BRWD3: variants seen among roughly 807,000 people sequenced by gnomAD.
BRWD3 encodes the protein bromodomain and WD repeat domain containing 3, also known as bromodomain and WD repeat-containing protein 3.
In BRWD3, 10 loss-of-function variants were observed where a neutral mutation model predicts 149.7. The observed-to-expected ratio is 0.07, with a 90% CI of 0.04 to 0.11. The LOEUF (loss-of-function observed/expected upper bound fraction) is 0.11. Among genes scored for constraint, BRWD3 ranks in the 10% least tolerant of loss-of-function variants. The pLI is 1.00. For missense variants in BRWD3, 940 were observed against 1,373.2 expected, an observed-to-expected ratio of 0.68 and a Z score of 4.99; for synonymous variants, 504 against 456.7, an observed-to-expected ratio of 1.10 and a Z score of -1.32.
rs769106408 is a variant in BRWD3, at chrX:80,778,252, A to T, written c.430+13602T>A. 1.3e-3 allele frequency among the ~76,000 whole-genome samples: 140 copies of T among 111,985 alleles called. 1 individual carries two copies. Among genetic ancestry groups the T allele is most frequent in the Non-Finnish European group, 2.4e-3 (130 of 53,254 alleles). ...AGGCCAGAATTTTGGGGGCTAGGACAAAAACATTATTACCAAAATAATGTT... is the reference window on the plus strand; with the variant it reads ...AGGCCAGAATTTTGGGGGCTAGGACTAAAACATTATTACCAAAATAATGTT... On this transcript the variant is annotated intron_variant, in intron 6 of 40. Coordinates refer to ENST00000373275, the MANE Select transcript of BRWD3 (RefSeq NM_153252.5).
At chrX:80,737,661 C>T (rs2073423576) in intron 8 of BRWD3, among the ~76,000 whole-genome samples, 1 of 111,741 alleles carries the variant, frequency 8.9e-6, no homozygotes, top group Non-Finnish European at 1.9e-5. Flanking sequence ...ATGGCAAAAC[C>T]CCGTCTCTAT....
intron 6 of BRWD3, among the ~76,000 whole-genome samples, chrX:80,768,496 G>C (rs1456358545): frequency 9.0e-6 from 1 of 111,255 alleles, no homozygotes; most frequent in Non-Finnish European, 1.9e-5. Flanking sequence ...CATAAGTGAA[G>C]GAGAAATAAA....
intron 6 of BRWD3, among the ~76,000 whole-genome samples, chrX:80,746,069 T>G (rs1210723962): frequency 9.0e-6 from 1 of 110,784 alleles, no homozygotes; most frequent in Non-Finnish European, 1.9e-5. Context: ...CATGAAGAAA[T>G]TTTAGAATAA....
intron 6 of BRWD3, among the ~76,000 whole-genome samples, chrX:80,770,421 T>A (rs1017110256): frequency 9.0e-5 from 10 of 111,697 alleles, no homozygotes; most frequent in African/African-American, 2.9e-4. Flanking sequence ...GTTGGCTTTA[T>A]CCCTAGGACG....
At chrX:80,718,818 AT>A (rs1347614256) in intron 18 of BRWD3, among the ~76,000 whole-genome samples, 1 of 111,710 alleles carries the variant, frequency 9.0e-6, no homozygotes, top group Non-Finnish European at 1.9e-5. Flanking sequence ...AGATGACTAC[AT>A]TTGAAAATAA....
intron 8 of BRWD3, 185 bp downstream of exon 8, chrX:80,743,847 A>G (rs6616700): frequency 5.0e-6 from 2 of 396,042 alleles, no homozygotes; most frequent in Non-Finnish European, 8.8e-6. Context: ...GTTATTTATT[A>G]AAAAAGATAA....
chrX:80,731,803 G>A (rs1319698568), intron 12 of BRWD3, among the ~76,000 whole-genome samples: 2 of 104,762 alleles, frequency 1.9e-5, no homozygotes, highest in East Asian at 3.1e-4. Flanking sequence ...GCTGAGGCAG[G>A]AGAATGGCGT....
chrX:80,718,690 A>T (rs1273310759), intron 18 of BRWD3, among the ~76,000 whole-genome samples: 1 of 111,683 alleles, frequency 9.0e-6, no homozygotes, highest in Non-Finnish European at 1.9e-5. Context: ...ATACCCTGTG[A>T]ATCACCACAA....
At chrX:80,742,317 TGTAGTATA>T (rs2073524438) in intron 8 of BRWD3, among the ~76,000 whole-genome samples, 1 of 109,162 alleles carries the variant, frequency 9.2e-6, no homozygotes, top group Non-Finnish European at 1.9e-5. Context: ...ACTGTAGCCT[TGTAGTATA>T]GTTTGAAGTC....
At chrX:80,792,476 T>C (rs772298068) in intron 5 of BRWD3, among the ~76,000 whole-genome samples, 1 of 112,040 alleles carries the variant, frequency 8.9e-6, no homozygotes, top group Non-Finnish European at 1.9e-5. Flanking sequence ...TTCTCTTTCA[T>C]GTTTAAGTCA....
At chrX:80,776,282 C>T (rs2073999710) in intron 6 of BRWD3, among the ~76,000 whole-genome samples, 1 of 111,737 alleles carries the variant, frequency 8.9e-6, no homozygotes, top group Admixed American at 9.5e-5. Context: ...AGTTGTTAGA[C>T]CACTAACTAG....
rs781260793 is a variant in BRWD3 at position 80,719,535 on chromosome X, T to G, written c.1998A>C (p.Gly666=). 5.8e-6 allele frequency: 7 copies of G among 1,207,254 alleles called. No individual in the cohort carries two copies. In the African/African-American group the frequency reaches 8.8e-5, roughly 15 times the overall value. ...TATTAACTGGTAAATGTGGAACATC[T>G]CCTTCATTAATTAGTCTCAGGTCTT... The part of the protein sequence containing the change: ...REQDLRLINE[G]DVPHLPVNRA... The change falls in exon 18 of 41, where the codon GGA becomes GGC. Residue 666 remains glycine (G), a synonymous_variant. Coordinates refer to ENST00000373275, the MANE Select transcript of BRWD3 (RefSeq NM_153252.5).
intron 40 of BRWD3, among the ~76,000 whole-genome samples, chrX:80,680,901 T>C (rs1054388266): frequency 1.8e-5 from 2 of 108,662 alleles, no homozygotes; most frequent in Non-Finnish European, 3.8e-5. Flanking sequence ...CTCCTACTCC[T>C]GGCTAAAGCG....
chrX:80,736,582 T>C (rs188995095), intron 8 of BRWD3, among the ~76,000 whole-genome samples: 49 of 112,251 alleles, frequency 4.4e-4, no homozygotes, highest in Admixed American at 2.1e-3. Context: ...TTCCATTCAA[T>C]TGAAGTATAT....
intron 12 of BRWD3, among the ~76,000 whole-genome samples, chrX:80,732,541 A>G (rs184705265): frequency 9.0e-6 from 1 of 111,192 alleles, no homozygotes; most frequent in African/African-American, 3.3e-5. Context: ...AGGGGGAAAA[A>G]AAGAAAGGAC....
chrX:80,769,821 T>C (rs1182950499), intron 6 of BRWD3, among the ~76,000 whole-genome samples: 1 of 110,445 alleles, frequency 9.1e-6, no homozygotes, highest in Non-Finnish European at 1.9e-5. Context: ...GCTGGTTTTT[T>C]GACAAGATCA....
At chrX:80,803,227 AATCAGTAATCAAC>A (rs1285612729) in intron 4 of BRWD3, among the ~76,000 whole-genome samples, 1 of 111,890 alleles carries the variant, frequency 8.9e-6, no homozygotes, top group Non-Finnish European at 1.9e-5. Flanking sequence ...TTTATTAATC[AATCAGTAATCAAC>A]ATCAGTAGTA....
intron 6 of BRWD3, among the ~76,000 whole-genome samples, chrX:80,775,121 T>A (rs1051548910): frequency 8.9e-5 from 10 of 112,234 alleles, no homozygotes; most frequent in African/African-American, 3.2e-4. Context: ...AAAACAGCCA[T>A]GCTCATTCAT....
intron 4 of BRWD3, among the ~76,000 whole-genome samples, chrX:80,804,955 T>G (rs1455608222): frequency 8.9e-6 from 1 of 112,228 alleles, no homozygotes; most frequent in African/African-American, 3.2e-5. Context: ...AGTGTTATAT[T>G]TTAAATGCCA....
Sources: allele counts gnomAD v4.1 joint callset (sites outside exome capture counted in the v4.1 genomes callset), GRCh38; gene constraint gnomAD v4.1.1; transcripts MANE v1.5; gene names NCBI Gene and HGNC (gene_info 2026-07-23, HGNC 2026-07-21).